CAPN3: variants seen among roughly 807,000 people sequenced by gnomAD.
CAPN3 encodes calpain-3.
A neutral mutation model predicts 114.0 loss-of-function variants in CAPN3; 88 were observed. That is an observed-to-expected ratio of 0.77 (90% CI 0.65 to 0.92). The LOEUF (loss-of-function observed/expected upper bound fraction) is 0.92, where lower values mean the gene tolerates loss of function less well. CAPN3 is among the 40% of genes least tolerant of loss of function. The pLI is 0.00. For missense variants in CAPN3, 1,028 were observed against 1,069.0 expected, an observed-to-expected ratio of 0.96 and a Z score of 0.53; for synonymous variants, 386 against 382.9, an observed-to-expected ratio of 1.01 and a Z score of -0.09.
chr15:42,405,986 A>C, intron 15 of CAPN3, 43 bp downstream of exon 15: 1 of 1,565,442 alleles, frequency 6.4e-7, no homozygotes. Flanking sequence ...GTACTCATGC[A>C]TATGTATGTG....
At chr15:42,405,604 G>A (rs932060532) in intron 14 of CAPN3, among the ~76,000 whole-genome samples, 2 of 152,142 alleles carry the variant, frequency 1.3e-5, no homozygotes, top group Admixed American at 6.5e-5. Flanking sequence ...GAGCCAGCAC[G>A]CCCGGCCACC....
intron 1 of CAPN3, among the ~76,000 whole-genome samples, chr15:42,380,575 G>A (rs2053215090): frequency 1.4e-5 from 2 of 146,814 alleles, no homozygotes; most frequent in Non-Finnish European, 3.0e-5. Context: ...GTGGGTGTGT[G>A]TGTATGTGTG....
intron 1 of CAPN3, among the ~76,000 whole-genome samples, chr15:42,361,162 T>C (rs1389554741): frequency 6.6e-6 from 1 of 152,196 alleles, no homozygotes; most frequent in Non-Finnish European, 1.5e-5. Context: ...TGATTAGCCA[T>C]GGTTTTCTTT....
chr15:42,388,351 C>G (rs1410903372), intron 4 of CAPN3, among the ~76,000 whole-genome samples: 1 of 152,218 alleles, frequency 6.6e-6, no homozygotes, highest in Non-Finnish European at 1.5e-5. Flanking sequence ...GTAATGCAGG[C>G]TGGAGTGCAG....
chr15:42,379,034 C>T (rs1346115281), intron 1 of CAPN3, among the ~76,000 whole-genome samples: 5 of 152,080 alleles, frequency 3.3e-5, no homozygotes, highest in African/African-American at 9.7e-5. Flanking sequence ...AAATTGGTTG[C>T]CGGACGCAGT....
At chr15:42,375,083 G>T (rs1026792838) in intron 1 of CAPN3, among the ~76,000 whole-genome samples, 3 of 150,458 alleles carry the variant, frequency 2.0e-5, no homozygotes, top group Non-Finnish European at 4.4e-5. Context: ...CAAACCCCTC[G>T]GCTCAAGCAA....
intron 1 of CAPN3, among the ~76,000 whole-genome samples, chr15:42,381,406 A>G (rs1253463001): frequency 6.6e-6 from 1 of 152,180 alleles, no homozygotes; most frequent in Non-Finnish European, 1.5e-5. Flanking sequence ...TCCTGAAAAC[A>G]GTTTACAGTC....
chr15:42,388,959 G>C lies in CAPN3; in HGVS notation c.664G>C (p.Gly222Arg). The change falls in exon 5 of 24, where the codon GGG becomes CGG. Residue 222 changes from glycine (G) to arginine (R), a missense_variant. Gly to Arg is a moderately radical substitution (Grantham distance 125). Coordinates refer to ENST00000397163, the MANE Select transcript of CAPN3 (RefSeq NM_000070.3). ...LHGSYEALKG[G>R]NTTEAMEDFT... ...TGGTTCCTACGAAGCTCTGAAAGGT[G>C]GGAACACCACAGAGGCCATGGAGGA... 1.2e-6 allele frequency: 2 copies of C among 1,614,080 alleles called. No individual in the cohort carries two copies. Among genetic ancestry groups the C allele is most frequent in the Non-Finnish European group, 1.7e-6 (2 of 1,179,996 alleles).
rs28364368 is a variant in CAPN3 at position 42,360,346 on chromosome 15, A to G, written c.309+232A>G. 7.3e-3 allele frequency among the ~76,000 whole-genome samples: 1,101 copies of G among 150,328 alleles called. 11 individuals carry two copies. The highest frequency in any genetic ancestry group is 0.026 in the African/African-American group (1,064 of 40,664). On this transcript the variant is annotated intron_variant, in intron 1 of 23. Transcript: ENST00000397163. ...AGCGCAGGAGGTGGGGCTGATTCTTATGCTCTGGCTCTTTCTCTCTGAAAA... is the reference window on the plus strand; with the variant it reads ...AGCGCAGGAGGTGGGGCTGATTCTTGTGCTCTGGCTCTTTCTCTCTGAAAA...
rs2053335268 is a variant in CAPN3, at chr15:42,384,520, C to T, written c.347C>T (p.Ala116Val). ...AATCCCCGATTTATCATTGATGGAG[C>T]CAACAGAACTGACATCTGTCAAGGA... ...CENPRFIIDGANRTDICQGEL... is the reference protein window; with the variant it reads ...CENPRFIIDGVNRTDICQGEL... The change falls in exon 2 of 24, where the codon GCC becomes GTC. Residue 116 changes from alanine (A) to valine (V), a missense_variant. Ala to Val is a moderately conservative substitution (Grantham distance 64, BLOSUM62 0). Transcript: ENST00000397163. 1.2e-6 allele frequency: 2 copies of T among 1,613,852 alleles called. No homozygotes were observed. The highest frequency in any genetic ancestry group is 1.7e-6 in the Non-Finnish European group (2 of 1,179,800).
In CAPN3 at chr15:42,403,584, A is replaced by G. The variant is rs539228522; in HGVS notation, c.1746-157A>G. ...GGCTTGGCTGTCGGGGATGGTGCTG[A>G]CATGGGGCTGGTTCCTGGGGTTGGG... On this transcript the variant is annotated intron_variant, in intron 13 of 23. Coordinates refer to ENST00000397163, the MANE Select transcript of CAPN3 (RefSeq NM_000070.3). 3.3e-5 allele frequency among the ~76,000 whole-genome samples: 5 copies of G among 152,190 alleles called. No homozygotes were observed. The East Asian group carries it at 9.7e-4, about 29-fold the overall frequency.
Position 42,410,575 on chromosome 15 carries a change from T to C in CAPN3, c.2185-13T>C. 6.2e-7 allele frequency: 1 copy of C among 1,613,746 alleles called. No individual in the cohort carries two copies. The highest frequency in any genetic ancestry group is 8.5e-7 in the Non-Finnish European group (1 of 1,179,770). ...CAGTGTGTGACCTCCATCCTCAAAT[T>C]TTCTATTGCCAGAAAATTTTCAAAC... is the stretch of plus-strand genomic sequence containing the variant. On this transcript the variant is annotated splice_polypyrimidine_tract_variant and intron_variant, in intron 20 of 23. Transcript: ENST00000397163.
intron 1 of CAPN3, among the ~76,000 whole-genome samples, chr15:42,363,812 AG>A (rs1185488581): frequency 2.6e-5 from 4 of 152,246 alleles, no homozygotes; most frequent in Admixed American, 2.6e-4. Context: ...CACTTTACAA[AG>A]GAGGGAACTG....
At chr15:42,392,097 A>C (rs907755336) in intron 6 of CAPN3, among the ~76,000 whole-genome samples, 1 of 152,154 alleles carries the variant, frequency 6.6e-6, no homozygotes, top group Non-Finnish European at 1.5e-5. Context: ...CACGGGAGGC[A>C]GAGGTTGCAG....
chr15:42,404,254 T>A (rs1253869033), intron 14 of CAPN3: 2 of 456,486 alleles, frequency 4.4e-6, no homozygotes, highest in Non-Finnish European at 8.8e-6. Flanking sequence ...ACGGGGATGA[T>A]AATGTGCCTT....
intron 1 of CAPN3, among the ~76,000 whole-genome samples, chr15:42,369,016 C>G (rs8037624): frequency 0.011 from 1,612 of 152,242 alleles, 26 homozygotes; most frequent in African/African-American, 0.036. Context: ...GAGAATAAAC[C>G]TGAGAGGGGC....
At chr15:42,402,554 TTCTGGTAAG>T in intron 12 of CAPN3, 2 of 1,465,496 alleles carry the variant, frequency 1.4e-6, no homozygotes. Context: ...GGAGCAGCTG[TTCTGGTAAG>T]TGTCCCTGAG....
At chr15:42,377,099 A>G (rs1197327668) in intron 1 of CAPN3, among the ~76,000 whole-genome samples, 1 of 151,988 alleles carries the variant, frequency 6.6e-6, no homozygotes, top group African/African-American at 2.4e-5. Flanking sequence ...TACATAGACA[A>G]TTGTGTCATC....
At chr15:42,402,013 G>A in intron 11 of CAPN3, 111 bp from the exon 12 acceptor site, 5 of 1,446,502 alleles carry the variant, frequency 3.5e-6, no homozygotes, top group South Asian at 2.3e-5. Context: ...GGCAGAACAG[G>A]TGCCTGGGGG....
Sources: allele counts gnomAD v4.1 joint callset (sites outside exome capture counted in the v4.1 genomes callset), GRCh38; gene constraint gnomAD v4.1.1; transcripts MANE v1.5; gene names NCBI Gene and HGNC (gene_info 2026-07-23, HGNC 2026-07-21).